The following BFAR variants were observed in gnomAD, a reference collection of about 807,000 sequenced individuals.
BFAR encodes the protein bifunctional apoptosis regulator.
A neutral mutation model predicts 54.4 loss-of-function variants in BFAR; 52 were observed. That is an observed-to-expected ratio of 0.96 (90% CI 0.77 to 1.21). The LOEUF is 1.21. Among genes scored for constraint, BFAR ranks in the 50% most tolerant of loss-of-function variants. The pLI, the probability that BFAR is intolerant of heterozygous loss-of-function variation, is 0.00. For missense variants in BFAR, 571 were observed against 534.0 expected (o/e 1.07, Z -0.68); for synonymous variants, 215 against 204.3 (o/e 1.05, Z -0.45).
intron 7 of BFAR, among the ~76,000 whole-genome samples, chr16:14,666,679 T>C (rs938435384): frequency 1.3e-5 from 2 of 152,230 alleles, no homozygotes; most frequent in Non-Finnish European, 2.9e-5. Context: ...CGCAGCCTTA[T>C]GAATGGTTCT....
intron 1 of BFAR, among the ~76,000 whole-genome samples, chr16:14,636,754 A>G (rs1198015755): frequency 1.3e-5 from 2 of 152,166 alleles, no homozygotes; most frequent in African/African-American, 2.4e-5. Flanking sequence ...AGACTATCAC[A>G]TGGGGAGAAA....
rs143165282 is a variant in BFAR, at chr16:14,648,808, G to A, written c.468+216G>A. 1.0e-3 allele frequency among the ~76,000 whole-genome samples: 154 copies of A among 152,236 alleles called. 1 individual carries two copies. Among genetic ancestry groups the A allele is most frequent in the African/African-American group, 3.4e-3 (141 of 41,554 alleles). Reference sequence around the variant, plus strand: ...TCATAGTACCTAGTAAATGGAGAAAGGTGGTAGAACTGGAATTCAAGACCA... The same window carrying A: ...TCATAGTACCTAGTAAATGGAGAAAAGTGGTAGAACTGGAATTCAAGACCA... On this transcript the variant is annotated intron_variant, in intron 3 of 7. Transcript: ENST00000261658.
intron 5 of BFAR, among the ~76,000 whole-genome samples, chr16:14,655,938 C>T (rs928462735): frequency 3.3e-5 from 5 of 151,654 alleles, no homozygotes; most frequent in East Asian, 2.0e-4. Context: ...GGCTGGTCAC[C>T]GTGGCTCACA....
intron 1 of BFAR, among the ~76,000 whole-genome samples, chr16:14,641,694 C>G (rs1959633032): frequency 1.3e-5 from 2 of 152,204 alleles, no homozygotes; most frequent in East Asian, 3.9e-4. Context: ...AAACCCCCAT[C>G]TCGACTAAAA....
At chr16:14,635,851 C>G (rs1316981962) in intron 1 of BFAR, among the ~76,000 whole-genome samples, 1 of 151,678 alleles carries the variant, frequency 6.6e-6, no homozygotes, top group Non-Finnish European at 1.5e-5. Context: ...AGGCTGGTCT[C>G]GAACTCCTGA....
At chr16:14,635,629 C>T (rs1293463205) in intron 1 of BFAR, among the ~76,000 whole-genome samples, 1 of 152,134 alleles carries the variant, frequency 6.6e-6, no homozygotes, top group East Asian at 1.9e-4. Flanking sequence ...AAGGTCTAGG[C>T]AGCAAGTCAG....
At chr16:14,661,307 A>T (rs1374991674) in intron 5 of BFAR, among the ~76,000 whole-genome samples, 1 of 150,156 alleles carries the variant, frequency 6.7e-6, no homozygotes, top group African/African-American at 2.4e-5. Context: ...TTTTCAAAAT[A>T]GCTTTTTAAA....
chr16:14,652,067 A>G (rs1335862306), intron 4 of BFAR, among the ~76,000 whole-genome samples: 1 of 151,138 alleles, frequency 6.6e-6, no homozygotes, highest in African/African-American at 2.4e-5. Context: ...TTGTATTTTT[A>G]GTAGAGATGG....
intron 1 of BFAR, among the ~76,000 whole-genome samples, chr16:14,635,033 G>A (rs1959388950): frequency 6.6e-6 from 1 of 152,116 alleles, no homozygotes; most frequent in South Asian, 2.1e-4. Flanking sequence ...AACAATGTGA[G>A]GATAAGGAAA....
intron 1 of BFAR, among the ~76,000 whole-genome samples, chr16:14,634,007 GGTT>G (rs1212664627): frequency 6.6e-6 from 1 of 152,202 alleles, no homozygotes; most frequent in Non-Finnish European, 1.5e-5. Flanking sequence ...ATGAGAGTCA[GGTT>G]GTGTCTAAAC....
chr16:14,635,571 G>A (rs150967234), intron 1 of BFAR, among the ~76,000 whole-genome samples: 99 of 152,110 alleles, frequency 6.5e-4, no homozygotes, highest in Non-Finnish European at 1.2e-3. Context: ...TTCTCAGCCC[G>A]CCTTCGTCTT....
chr16:14,665,092 G>A (rs975174586), intron 7 of BFAR, 21 bp downstream of exon 7: 35 of 1,579,252 alleles, frequency 2.2e-5, no homozygotes, highest in Non-Finnish European at 3.0e-5. Context: ...TTTAATGGTT[G>A]TCACAACAGG....
chr16:14,664,161 A>G (rs1397615797), intron 6 of BFAR, among the ~76,000 whole-genome samples: 1 of 152,104 alleles, frequency 6.6e-6, no homozygotes, highest in East Asian at 1.9e-4. Flanking sequence ...TGGTAGCGAG[A>G]CAAGATGGTG....
intron 5 of BFAR, among the ~76,000 whole-genome samples, chr16:14,660,759 G>C (rs1390632783): frequency 6.6e-6 from 1 of 151,568 alleles, no homozygotes; most frequent in Non-Finnish European, 1.5e-5. Context: ...AAATTAGCCA[G>C]GCGTGGCATT....
chr16:14,658,720 G>A (rs1156957639), intron 5 of BFAR, among the ~76,000 whole-genome samples: 3 of 150,298 alleles, frequency 2.0e-5, no homozygotes, highest in Non-Finnish European at 3.0e-5. Context: ...GTGGCAGACC[G>A]AGACTCCATC....
intron 1 of BFAR, among the ~76,000 whole-genome samples, chr16:14,639,178 C>G (rs1959545572): frequency 1.3e-5 from 2 of 152,136 alleles, no homozygotes; most frequent in Non-Finnish European, 2.9e-5. Flanking sequence ...CGGGTTTCAC[C>G]ATGTTGCCCA....
intron 1 of BFAR, among the ~76,000 whole-genome samples, chr16:14,637,984 G>A (rs1959507010): frequency 6.6e-6 from 1 of 151,498 alleles, no homozygotes; most frequent in African/African-American, 2.4e-5. Flanking sequence ...CAATCATTGC[G>A]AAGTAAAGAA....
rs573504935 is a variant in BFAR at position 14,662,077 on chromosome 16, C to T, written c.957+12C>T. On this transcript the variant is annotated intron_variant, in intron 6 of 7. Coordinates refer to ENST00000261658, the MANE Select transcript of BFAR (RefSeq NM_016561.3). The stretch of plus-strand genomic sequence containing the variant: ...TCACCAAGCTTCTGGTAGGTCTGCA[C>T]AGTGCCTGGAATAAAGTTATTCCAC... 4.3e-6 allele frequency: 7 copies of T among 1,613,802 alleles called. No individual in the cohort carries two copies. In the Admixed American group the frequency reaches 8.3e-5, roughly 19 times the overall value.
chr16:14,666,464 G>A (rs536019311), intron 7 of BFAR, among the ~76,000 whole-genome samples: 1 of 152,076 alleles, frequency 6.6e-6, no homozygotes, highest in East Asian at 1.9e-4. Context: ...CCAGCTACTC[G>A]GGAGGCTGAG....
Sources: allele counts gnomAD v4.1 joint callset (sites outside exome capture counted in the v4.1 genomes callset), GRCh38; gene constraint gnomAD v4.1.1; transcripts MANE v1.5; gene names NCBI Gene and HGNC (gene_info 2026-07-23, HGNC 2026-07-21).